Variants in ALCAM observed in about 807,000 individuals in gnomAD.
ALCAM encodes the protein CD166 antigen.
In ALCAM, 30 loss-of-function variants were observed where a neutral mutation model predicts 70.9. That is an observed-to-expected ratio of 0.42 (90% CI 0.32 to 0.57). The LOEUF (loss-of-function observed/expected upper bound fraction) is 0.57. Among genes scored for constraint, ALCAM ranks in the 20% least tolerant of loss-of-function variants. The pLI is 0.11. For synonymous variants in ALCAM, 249 were observed against 242.5 expected, an observed-to-expected ratio of 1.03 and a Z score of -0.25; for missense variants, 591 against 695.1, an observed-to-expected ratio of 0.85 and a Z score of 1.68.
chr3:105,485,661 AATT>A (rs1454698479), intron 1 of ALCAM, among the ~76,000 whole-genome samples: 1 of 152,028 alleles, frequency 6.6e-6, no homozygotes, highest in African/African-American at 2.4e-5. Flanking sequence ...ATGTTAATGA[AATT>A]ATATATTTAC....
intron 1 of ALCAM, among the ~76,000 whole-genome samples, chr3:105,519,154 A>G (rs73192737): frequency 0.13 from 19,862 of 152,120 alleles, 1,339 homozygotes; most frequent in Middle Eastern, 0.16. Context: ...AGATTGTTGT[A>G]AATAAACTAA....
At chr3:105,521,984 C>T (rs527803249) in intron 2 of ALCAM, among the ~76,000 whole-genome samples, 138 of 152,314 alleles carry the variant, frequency 9.1e-4, no homozygotes, top group African/African-American at 3.1e-3. Context: ...GAGACTACCA[C>T]ACAATGCACT....
chr3:105,399,892 G>T (rs1456972813), intron 1 of ALCAM, among the ~76,000 whole-genome samples: 1 of 152,134 alleles, frequency 6.6e-6, no homozygotes, highest in Non-Finnish European at 1.5e-5. Flanking sequence ...GATTAACTTG[G>T]TTAGCAGACA....
intron 1 of ALCAM, among the ~76,000 whole-genome samples, chr3:105,474,924 TA>T (rs150815121): frequency 3.0e-3 from 444 of 148,264 alleles, no homozygotes; most frequent in African/African-American, 8.1e-3. Flanking sequence ...TATCCCTGTG[TA>T]AAAAAAAAAT....
chr3:105,480,349 C>CTAAA (rs1167749508), intron 1 of ALCAM, among the ~76,000 whole-genome samples: 4 of 147,296 alleles, frequency 2.7e-5, no homozygotes, highest in Admixed American at 6.9e-5. Context: ...AAGATGTTGT[C>CTAAA]TCAATAAATA....
Position 105,552,521 on chromosome 3 carries a change from G to A in ALCAM, c.1600G>A (p.Val534Ile). The A allele has an allele frequency of 1.2e-6, 2 of 1,611,832 alleles. No homozygotes were observed. The highest frequency in any genetic ancestry group is 1.3e-5 in the African/African-American group (1 of 74,842). ...GGCAAAACTAATTGTGGGAATCGTT[G>A]TTGGTCTCCTCCTTGCTGCCCTTGT... The part of the protein sequence containing the change: ...DQAKLIVGIV[V>I]GLLLAALVAG... Residue 534 changes from valine to isoleucine, a missense_variant, in exon 14 of 16, where the codon GTT (valine) becomes ATT (isoleucine). By Grantham distance (29) the Val-to-Ile change is conservative. Transcript: ENST00000306107.
intron 1 of ALCAM, among the ~76,000 whole-genome samples, chr3:105,374,509 G>C (rs1263319757): frequency 3.9e-5 from 6 of 151,936 alleles, no homozygotes; most frequent in African/African-American, 1.4e-4. Context: ...TGTGATGCTT[G>C]TTTTTTGTTT....
intron 1 of ALCAM, among the ~76,000 whole-genome samples, chr3:105,502,820 G>A (rs1938961835): frequency 6.6e-6 from 1 of 152,128 alleles, no homozygotes; most frequent in African/African-American, 2.4e-5. Flanking sequence ...ACCTAGAATT[G>A]GCTTTGTACT....
intron 1 of ALCAM, among the ~76,000 whole-genome samples, chr3:105,455,777 C>G (rs2152594425): frequency 6.6e-6 from 1 of 152,302 alleles, no homozygotes; most frequent in East Asian, 1.9e-4. Flanking sequence ...CGGGAAATTT[C>G]TACCTAAATC....
intron 1 of ALCAM, among the ~76,000 whole-genome samples, chr3:105,430,663 T>C (rs1936907383): frequency 6.6e-6 from 1 of 152,090 alleles, no homozygotes; most frequent in Non-Finnish European, 1.5e-5. Context: ...CTTCCCTTTT[T>C]TCATTTTGTG....
Position 105,502,334 on chromosome 3 carries a change from A to T in ALCAM, c.74-17733A>T, listed in dbSNP as rs531914743. Among the ~76,000 whole-genome samples, 75 of 152,266 alleles carry T rather than the reference A, an allele frequency of 4.9e-4. 2 individuals carry two copies. In the East Asian group the frequency reaches 0.01, roughly 21 times the overall value. On this transcript the variant is annotated intron_variant, in intron 1 of 15. Coordinates refer to ENST00000306107, the MANE Select transcript of ALCAM (RefSeq NM_001627.4). ...AGATATTTTATGTAGAATTTTTTTT[A>T]AAAAATTCTTATCATCTACTACCTA...
chr3:105,458,166 A>G (rs1261797501), intron 1 of ALCAM, among the ~76,000 whole-genome samples: 2 of 152,156 alleles, frequency 1.3e-5, no homozygotes, highest in Non-Finnish European at 1.5e-5. Context: ...ATTCAGAGAT[A>G]TATTTTAGCA....
intron 14 of ALCAM, among the ~76,000 whole-genome samples, chr3:105,558,411 G>C (rs1940562302): frequency 6.6e-6 from 1 of 152,036 alleles, no homozygotes; most frequent in South Asian, 2.1e-4. Flanking sequence ...TTCTATTATA[G>C]TATTTTATTG....
intron 14 of ALCAM, among the ~76,000 whole-genome samples, chr3:105,557,012 T>G (rs560637907): frequency 6.6e-6 from 1 of 152,210 alleles, no homozygotes; most frequent in East Asian, 1.9e-4. Flanking sequence ...GCTCAAGATA[T>G]CATAAGTAGT....
chr3:105,483,838 T>TA (rs1420978260), intron 1 of ALCAM, among the ~76,000 whole-genome samples: 12 of 152,226 alleles, frequency 7.9e-5, no homozygotes, highest in Admixed American at 5.2e-4. Flanking sequence ...GAACTACACC[T>TA]AATAATGAAC....
intron 14 of ALCAM, chr3:105,552,877 T>G (rs563568116): frequency 1.3e-5 from 15 of 1,152,190 alleles, no homozygotes; most frequent in Middle Eastern, 3.9e-4. Context: ...AAGCGTATAC[T>G]TCCTAAAGGT....
At chr3:105,508,548 T>C (rs918481552) in intron 1 of ALCAM, among the ~76,000 whole-genome samples, 9 of 152,164 alleles carry the variant, frequency 5.9e-5, no homozygotes, top group Non-Finnish European at 2.9e-5. Context: ...TAAAACACCA[T>C]AAAAACATTC....
chr3:105,511,603 G>A (rs568564362), intron 1 of ALCAM, among the ~76,000 whole-genome samples: 15 of 152,034 alleles, frequency 9.9e-5, no homozygotes, highest in African/African-American at 2.6e-4. Context: ...TCTAAGTCTC[G>A]GAAATCAGCC....
intron 1 of ALCAM, among the ~76,000 whole-genome samples, chr3:105,375,782 G>A (rs1181445312): frequency 1.3e-5 from 2 of 152,234 alleles, no homozygotes; most frequent in East Asian, 1.9e-4. Context: ...GATGTTGAAG[G>A]AAGCCCCAGC....
Sources: allele counts gnomAD v4.1 joint callset (sites outside exome capture counted in the v4.1 genomes callset), GRCh38; gene constraint gnomAD v4.1.1; transcripts MANE v1.5; gene names NCBI Gene and HGNC (gene_info 2026-07-23, HGNC 2026-07-21).